Variants in LIMD1 observed in about 807,000 individuals in gnomAD.
LIMD1 encodes the protein LIM domain containing 1, also known as LIM domain-containing protein 1.
A neutral mutation model predicts 58.4 loss-of-function variants in LIMD1; 23 were observed. That is an observed-to-expected ratio of 0.39 (90% CI 0.28 to 0.56). The LOEUF (loss-of-function observed/expected upper bound fraction) is 0.56. LIMD1 is among the 20% of genes least tolerant of loss of function. LIMD1 has a pLI of 0.57. For missense variants in LIMD1, 838 were observed against 855.5 expected (o/e 0.98, Z 0.25); for synonymous variants, 334 against 345.5 (o/e 0.97, Z 0.37).
At chr3:45,662,617 T>C (rs1346218376) in intron 2 of LIMD1, among the ~76,000 whole-genome samples, 2 of 152,108 alleles carry the variant, frequency 1.3e-5, no homozygotes, top group Non-Finnish European at 2.9e-5. Context: ...CTTCCTTCCC[T>C]AGGGCAGCTG....
chr3:45,651,550 A>C (rs1281104236), intron 2 of LIMD1, among the ~76,000 whole-genome samples: 2 of 152,080 alleles, frequency 1.3e-5, no homozygotes, highest in Non-Finnish European at 2.9e-5. Context: ...CTTTCTACAT[A>C]TGGCTAGCCA....
intron 1 of LIMD1, among the ~76,000 whole-genome samples, chr3:45,607,748 C>T (rs1029332673): frequency 2.0e-5 from 3 of 152,202 alleles, no homozygotes; most frequent in African/African-American, 7.2e-5. Flanking sequence ...AGCTGGCCAG[C>T]ATGTGACGGC....
chr3:45,594,817 ACACACACACACACACACACACACACACG>A lies in LIMD1; in HGVS notation c.-62_-35del. 1.3e-6 allele frequency: 1 copy of A among 774,516 alleles called. No individual in the cohort carries two copies. The highest frequency in any genetic ancestry group is 2.0e-6 in the Non-Finnish European group (1 of 491,258). 48.0% of individuals were successfully genotyped at this position (774,516 alleles called of 1,614,324 possible). On this transcript the variant is annotated 5_prime_UTR_variant, in exon 1 of 8. Coordinates refer to ENST00000273317, the MANE Select transcript of LIMD1 (RefSeq NM_014240.3). ...CACACACACACACACACACACACACACACACACACACACACACACACACACACGGCACCTGGGCTAGGCCCGGACACCT... is the reference window on the plus strand; with the variant it reads ...CACACACACACACACACACACACACAGCACCTGGGCTAGGCCCGGACACCT...
chr3:45,664,538 G>C (rs1697486522), intron 2 of LIMD1, among the ~76,000 whole-genome samples: 4 of 152,226 alleles, frequency 2.6e-5, no homozygotes. Flanking sequence ...GACAACACTA[G>C]ATCTGGTAGC....
intron 1 of LIMD1, among the ~76,000 whole-genome samples, chr3:45,603,130 T>G (rs1229892470): frequency 6.6e-6 from 1 of 152,238 alleles, no homozygotes; most frequent in Non-Finnish European, 1.5e-5. Context: ...CGTGAGCCAC[T>G]GCACCTGGCC....
At chr3:45,608,501 A>G (rs1233863332) in intron 1 of LIMD1, among the ~76,000 whole-genome samples, 2 of 152,164 alleles carry the variant, frequency 1.3e-5, no homozygotes, top group African/African-American at 4.8e-5. Flanking sequence ...AACGTGTACA[A>G]TGACAAAGTT....
intron 2 of LIMD1, among the ~76,000 whole-genome samples, chr3:45,639,749 G>A (rs950005828): frequency 6.6e-6 from 1 of 152,234 alleles, no homozygotes; most frequent in Non-Finnish European, 1.5e-5. Flanking sequence ...CGCAACCTCC[G>A]CCTCCTGGGT....
chr3:45,601,004 C>T (rs1701406722), intron 1 of LIMD1, among the ~76,000 whole-genome samples: 1 of 152,168 alleles, frequency 6.6e-6, no homozygotes, highest in Non-Finnish European at 1.5e-5. Flanking sequence ...GCTGAGGCTG[C>T]AGTGAGATAT....
At chr3:45,645,895 G>C (rs934005746) in intron 2 of LIMD1, among the ~76,000 whole-genome samples, 7 of 151,714 alleles carry the variant, frequency 4.6e-5, no homozygotes, top group African/African-American at 1.5e-4. Flanking sequence ...ACCCATAGTT[G>C]CCCATCAGTG....
intron 1 of LIMD1, among the ~76,000 whole-genome samples, chr3:45,601,141 C>G (rs1027427649): frequency 6.6e-6 from 1 of 152,288 alleles, no homozygotes; most frequent in East Asian, 1.9e-4. Context: ...CTGACTGAGA[C>G]AGAGTTGACC....
Position 45,595,528 on chromosome 3 carries a change from C to T in LIMD1, c.649C>T (p.Pro217Ser). The T allele has an allele frequency of 6.2e-7, 1 of 1,614,080 alleles. No individual in the cohort carries two copies. Among genetic ancestry groups the T allele is most frequent in the Non-Finnish European group, 8.5e-7 (1 of 1,180,014 alleles). ...GCCTAGCTCCCCGGGGAGTGACCCA[C>T]CACTGCCCAAACCCTGCGGGGACCA... ...GWPSSPGSDP[P>S]LPKPCGDHPL... The change falls in exon 1 of 8, where the codon CCA becomes TCA. Residue 217 changes from proline (P) to serine (S), a missense_variant. Pro to Ser is a moderately conservative substitution (Grantham distance 74, BLOSUM62 -1). Transcript: ENST00000273317.
At chr3:45,629,579 T>G (rs1370443404) in intron 1 of LIMD1, among the ~76,000 whole-genome samples, 2 of 152,030 alleles carry the variant, frequency 1.3e-5, no homozygotes, top group African/African-American at 4.8e-5. Flanking sequence ...TATTGCATTT[T>G]CCAAAACCAC....
intron 1 of LIMD1, among the ~76,000 whole-genome samples, chr3:45,608,048 G>A (rs908971944): frequency 6.6e-5 from 10 of 152,230 alleles, no homozygotes; most frequent in African/African-American, 2.2e-4. Context: ...AAATGGAATT[G>A]GGGGCAGCTC....
intron 2 of LIMD1, among the ~76,000 whole-genome samples, chr3:45,641,408 G>T (rs562588351): frequency 4.6e-5 from 7 of 151,664 alleles, no homozygotes; most frequent in Non-Finnish European, 8.8e-5. Context: ...GAACATACTT[G>T]TATATGTATC....
At chr3:45,599,361 C>T (rs1187732316) in intron 1 of LIMD1, among the ~76,000 whole-genome samples, 1 of 152,214 alleles carries the variant, frequency 6.6e-6, no homozygotes, top group Non-Finnish European at 1.5e-5. Context: ...TGGCAACAAC[C>T]AATGTGCATT....
chr3:45,672,884 G>C, intron 5 of LIMD1, 64 bp downstream of exon 5: 2 of 1,594,426 alleles, frequency 1.3e-6, no homozygotes, highest in Middle Eastern at 1.7e-4. Context: ...AGCAGAGTGA[G>C]TGGTGGAAAC....
At chr3:45,661,914 C>T (rs1697446606) in intron 2 of LIMD1, among the ~76,000 whole-genome samples, 1 of 152,160 alleles carries the variant, frequency 6.6e-6, no homozygotes, top group African/African-American at 2.4e-5. Flanking sequence ...TGCCCCACTA[C>T]ACCTAGCTAA....
rs79238123 is a variant in LIMD1 at position 45,615,110 on chromosome 3, A to G, written c.1408+18823A>G. On this transcript the variant is annotated intron_variant, in intron 1 of 7. Coordinates refer to ENST00000273317, the MANE Select transcript of LIMD1 (RefSeq NM_014240.3). ...AGCATACACATTTAATAAAAGTTCT[A>G]TGTGACACGGGAGCCCTCATAAACA... Among the ~76,000 whole-genome samples, 1,099 of 152,296 alleles carry G rather than the reference A, an allele frequency of 7.2e-3. 47 individuals are homozygous for G. In the East Asian group the frequency reaches 0.099, roughly 14 times the overall value.
At chr3:45,630,678 T>C (rs188348066) in intron 1 of LIMD1, among the ~76,000 whole-genome samples, 6 of 150,932 alleles carry the variant, frequency 4.0e-5, no homozygotes, top group African/African-American at 1.5e-4. Context: ...TGAGGTGATA[T>C]GTTATGGGGT....
Sources: allele counts gnomAD v4.1 joint callset (sites outside exome capture counted in the v4.1 genomes callset), GRCh38; gene constraint gnomAD v4.1.1; transcripts MANE v1.5; gene names NCBI Gene and HGNC (gene_info 2026-07-23, HGNC 2026-07-21).